Variants in KCNIP4 observed in about 807,000 individuals in gnomAD.
KCNIP4 encodes the protein Kv channel-interacting protein 4.
KCNIP4 carries 12 observed loss-of-function variants against 34.0 expected under a neutral mutation model. The ratio of observed to expected loss-of-function variants is 0.35; its 90% confidence interval spans 0.23 to 0.57. The LOEUF is 0.57. Ranked by LOEUF, KCNIP4 falls within the 20% of genes least tolerant of loss-of-function variation. The pLI, the probability that KCNIP4 is intolerant of heterozygous loss-of-function variation, is 0.83. For missense variants in KCNIP4, 238 were observed against 311.7 expected (o/e 0.76, Z 1.78); for synonymous variants, 124 against 102.2 (o/e 1.21, Z -1.29).
intron 1 of KCNIP4, among the ~76,000 whole-genome samples, chr4:21,434,905 C>A (rs998800612): frequency 1.2e-4 from 18 of 151,928 alleles, no homozygotes; most frequent in Admixed American, 6.6e-5. Flanking sequence ...TTACTGCTTT[C>A]TTGACACCTT....
intron 1 of KCNIP4, among the ~76,000 whole-genome samples, chr4:21,548,163 A>C (rs149662827): frequency 2.0e-5 from 3 of 152,258 alleles, no homozygotes; most frequent in African/African-American, 7.2e-5. Context: ...AATACCTGTT[A>C]TCTGTTTAAA....
At chr4:21,043,764 T>C (rs890900845) in intron 1 of KCNIP4, among the ~76,000 whole-genome samples, 5 of 152,262 alleles carry the variant, frequency 3.3e-5, no homozygotes, top group Admixed American at 6.5e-5. Flanking sequence ...CAGTTATGTA[T>C]CAAATAGTAT....
intron 2 of KCNIP4, among the ~76,000 whole-genome samples, chr4:20,858,227 AAAAAAAAAAAAAAAAG>A (rs1721822165): frequency 1.1e-5 from 1 of 90,480 alleles, no homozygotes; most frequent in South Asian, 2.6e-4. Flanking sequence ...AAAAAAAAAA[AAAAAAAAAAAAAAAAG>A]AGGAAGACAC....
chr4:21,428,668 T>C (rs1230317853), intron 1 of KCNIP4, among the ~76,000 whole-genome samples: 1 of 152,152 alleles, frequency 6.6e-6, no homozygotes, highest in Non-Finnish European at 1.5e-5. Context: ...GCTTGCTGAC[T>C]AGCCACAAGG....
chr4:20,752,240 G>C (rs535027451), intron 4 of KCNIP4, among the ~76,000 whole-genome samples: 150 of 151,762 alleles, frequency 9.9e-4, no homozygotes, highest in African/African-American at 3.4e-3. Flanking sequence ...TGTATGTTTA[G>C]TAGAGACAGG....
intron 1 of KCNIP4, among the ~76,000 whole-genome samples, chr4:21,691,354 T>G (rs1275816120): frequency 2.0e-5 from 3 of 152,162 alleles, no homozygotes. Context: ...TCTGGAAGCT[T>G]TCTAGACACA....
intron 1 of KCNIP4, among the ~76,000 whole-genome samples, chr4:21,595,701 T>A (rs1344888450): frequency 6.6e-6 from 1 of 152,052 alleles, no homozygotes; most frequent in Non-Finnish European, 1.5e-5. Flanking sequence ...TGATACGGTA[T>A]CTCACTATAG....
chr4:21,126,263 C>G (rs535027611), intron 1 of KCNIP4, among the ~76,000 whole-genome samples: 20 of 152,160 alleles, frequency 1.3e-4, no homozygotes, highest in African/African-American at 4.3e-4. Flanking sequence ...TTGTGGAGAC[C>G]ATTACGGCCA....
At chr4:20,821,199 A>G (rs904756869) in intron 3 of KCNIP4, among the ~76,000 whole-genome samples, 3 of 152,230 alleles carry the variant, frequency 2.0e-5, no homozygotes, top group Non-Finnish European at 2.9e-5. Flanking sequence ...AAGGCAGGAC[A>G]TGGAGTCAAA....
chr4:21,371,039 G>T (rs1390302707), intron 1 of KCNIP4, among the ~76,000 whole-genome samples: 1 of 141,278 alleles, frequency 7.1e-6, no homozygotes, highest in Non-Finnish European at 1.5e-5. Context: ...TGCATGTCTG[G>T]TGGGGGTAGG....
At chr4:21,697,293 T>C (rs1712424397) in intron 1 of KCNIP4, 1 of 1,387,850 alleles carries the variant, frequency 7.2e-7, no homozygotes, top group Non-Finnish European at 9.2e-7. Flanking sequence ...TCAACTTCAT[T>C]ACCATGCTCT....
rs187361252 is a variant in KCNIP4 at position 21,209,845 on chromosome 4, G to A, written c.62-327136C>T. 1.6e-4 allele frequency among the ~76,000 whole-genome samples: 24 copies of A among 152,154 alleles called. No homozygotes were observed. The East Asian group carries it at 2.9e-3, about 18-fold the overall frequency. On this transcript the variant is annotated intron_variant, in intron 1 of 8. Transcript: ENST00000382152. ...TCCTCCACCAAATAAATGAGATTTC[G>A]TCATTAGTAAATCAAATTTTAAGTA...
At chr4:21,250,063 T>C (rs913111300) in intron 1 of KCNIP4, among the ~76,000 whole-genome samples, 4 of 151,838 alleles carry the variant, frequency 2.6e-5, no homozygotes, top group Admixed American at 6.6e-5. Context: ...ATACATTTTC[T>C]GAAAGTGTAA....
At chr4:21,848,778 A>C (rs1398641548) in intron 1 of KCNIP4, 1 of 152,122 alleles carries the variant, frequency 6.6e-6, no homozygotes, top group African/African-American at 2.4e-5. Flanking sequence ...TTATTTCTGG[A>C]GAATATGAGT....
intron 1 of KCNIP4, among the ~76,000 whole-genome samples, chr4:21,279,397 T>C (rs1324268936): frequency 1.3e-5 from 2 of 151,966 alleles, no homozygotes; most frequent in Admixed American, 1.3e-4. Context: ...AAAGTCAATA[T>C]TAAATAAAAA....
chr4:21,320,509 G>A (rs1353897497), intron 1 of KCNIP4, among the ~76,000 whole-genome samples: 1 of 152,136 alleles, frequency 6.6e-6, no homozygotes, highest in Non-Finnish European at 1.5e-5. Flanking sequence ...GATCTTATAT[G>A]TGTTTATGTG....
chr4:21,203,545 T>C (rs1479047224), intron 1 of KCNIP4, among the ~76,000 whole-genome samples: 1 of 152,190 alleles, frequency 6.6e-6, no homozygotes, highest in Non-Finnish European at 1.5e-5. Context: ...TCTGACTGGG[T>C]AGACACACAT....
intron 3 of KCNIP4, among the ~76,000 whole-genome samples, chr4:20,768,030 C>T (rs1322007184): frequency 1.3e-5 from 2 of 152,170 alleles, no homozygotes; most frequent in Admixed American, 1.3e-4. Context: ...GATTCTCTGG[C>T]ATTCTATAAT....
intron 1 of KCNIP4, among the ~76,000 whole-genome samples, chr4:21,262,248 C>T (rs1761517792): frequency 6.6e-6 from 1 of 152,182 alleles, no homozygotes; most frequent in Non-Finnish European, 1.5e-5. Context: ...TACCACCCCT[C>T]CACACCCCAT....
Sources: allele counts gnomAD v4.1 joint callset (sites outside exome capture counted in the v4.1 genomes callset), GRCh38; gene constraint gnomAD v4.1.1; transcripts MANE v1.5; gene names NCBI Gene and HGNC (gene_info 2026-07-23, HGNC 2026-07-21).